Variants in RYR2 observed in about 807,000 individuals in gnomAD.
The protein encoded by RYR2 is ryanodine receptor 2, also known as cardiac muscle ryanodine receptor-calcium release channel.
Under a neutral mutation model 601.1 loss-of-function variants are expected in RYR2, and 227 were observed. The ratio of observed to expected loss-of-function variants is 0.38; its 90% CI spans 0.34 to 0.42. The LOEUF is 0.42. Ranked by LOEUF, RYR2 falls within the 10% of genes least tolerant of loss-of-function variation. RYR2 has a pLI of 1.00. For missense variants in RYR2, 4,646 were observed against 6,156.5 expected (o/e 0.75, Z 8.21); for synonymous variants, 2,223 against 2,175.1 (o/e 1.02, Z -0.61).
intron 4 of RYR2, among the ~76,000 whole-genome samples, chr1:237,363,676 A>T (rs946098275): frequency 1.3e-5 from 2 of 152,140 alleles, no homozygotes; most frequent in Non-Finnish European, 2.9e-5. Flanking sequence ...GTGTAAAGAA[A>T]AATGAAGTTA....
At chr1:237,189,412 T>C (rs1451549276) in intron 1 of RYR2, among the ~76,000 whole-genome samples, 1 of 152,204 alleles carries the variant, frequency 6.6e-6, no homozygotes, top group Non-Finnish European at 1.5e-5. Flanking sequence ...TATATGTCTT[T>C]TGGATATAGA....
Position 237,331,729 on chromosome 1 carries a change from T to A in RYR2, c.273+747T>A, listed in dbSNP as rs184069967. Among the ~76,000 whole-genome samples the A allele has an allele frequency of 5.8e-4, 88 of 151,862 alleles. 1 individual carries two copies. The highest frequency in any genetic ancestry group is 2.1e-3 in the African/African-American group (85 of 41,412). On this transcript the variant is annotated intron_variant, in intron 3 of 104. Coordinates refer to ENST00000366574, the MANE Select transcript of RYR2 (RefSeq NM_001035.3). ...CGGGGTTTCACCATGTTGGCCAGGA[T>A]GGTCTTGACCTCCTGACCTCGTGAT... is the stretch of plus-strand genomic sequence containing the variant.
chr1:237,711,385 T>C (rs902723118), intron 70 of RYR2, among the ~76,000 whole-genome samples: 1 of 152,182 alleles, frequency 6.6e-6, no homozygotes, highest in African/African-American at 2.4e-5. Context: ...TACGTCATAG[T>C]TCTATGTGTC....
chr1:237,631,893 G>C (rs548150828), intron 42 of RYR2, among the ~76,000 whole-genome samples: 1 of 151,380 alleles, frequency 6.6e-6, no homozygotes, highest in Admixed American at 6.6e-5. Flanking sequence ...CTCCCCTCCC[G>C]AAGTGCTGGG....
chr1:237,375,655 A>G (rs571638598), intron 7 of RYR2, among the ~76,000 whole-genome samples: 2 of 152,336 alleles, frequency 1.3e-5, no homozygotes, highest in East Asian at 1.9e-4. Context: ...GCATCGTCTT[A>G]TAAAAGAAAT....
rs1228800265 is a variant in RYR2 at position 237,832,811 on chromosome 1, C to A, written c.*164C>A. On this transcript the variant is annotated 3_prime_UTR_variant, in exon 105 of 105. Transcript: ENST00000366574. ...TTTCGGAAGAGCTGTTTCCTCCCCC[C>A]ACCTTTTGTATTTACTTTGAGACTA... The A allele has an allele frequency of 1.1e-5, 6 of 526,768 alleles. No individual in the cohort carries two copies. Among genetic ancestry groups the A allele is most frequent in the African/African-American group, 3.8e-5 (2 of 52,236 alleles). The allele number at this position is 526,768 out of a possible 1,614,324, so 32.6% of individuals were successfully genotyped here.
At chr1:237,061,333 C>T (rs944125202) in intron 1 of RYR2, among the ~76,000 whole-genome samples, 4 of 145,138 alleles carry the variant, frequency 2.8e-5, no homozygotes, top group Admixed American at 1.4e-4. Flanking sequence ...CTAATCATCT[C>T]TCTAGACAGA....
intron 24 of RYR2, among the ~76,000 whole-genome samples, chr1:237,520,469 G>A (rs1019209349): frequency 6.6e-6 from 1 of 152,084 alleles, no homozygotes; most frequent in African/African-American, 2.4e-5. Flanking sequence ...TTATTTTGAG[G>A]TATGCTCCTT....
At chr1:237,299,757 A>G (rs1693170712) in intron 2 of RYR2, among the ~76,000 whole-genome samples, 1 of 152,220 alleles carries the variant, frequency 6.6e-6, no homozygotes, top group Non-Finnish European at 1.5e-5. Context: ...ATGTTTTCAC[A>G]GCACATGTGG....
At chr1:237,479,234 A>T (rs2150355003) in intron 17 of RYR2, among the ~76,000 whole-genome samples, 1 of 152,294 alleles carries the variant, frequency 6.6e-6, no homozygotes, top group East Asian at 1.9e-4. Flanking sequence ...AAGTTGTTGT[A>T]TTTCACCCTA....
At chr1:237,269,116 C>T (rs1158723802) in intron 1 of RYR2, among the ~76,000 whole-genome samples, 1 of 141,560 alleles carries the variant, frequency 7.1e-6, no homozygotes, top group East Asian at 2.1e-4. Context: ...GATCTCAGCT[C>T]ACTGCAACCT....
chr1:237,562,572 T>TTA, intron 27 of RYR2, among the ~76,000 whole-genome samples: 1 of 152,162 alleles, frequency 6.6e-6, no homozygotes, highest in Non-Finnish European at 1.5e-5. Context: ...AATCTTGAGG[T>TTA]AGTTCATTAA....
chr1:237,622,249 C>T (rs775691678), intron 38 of RYR2, among the ~76,000 whole-genome samples: 3 of 151,972 alleles, frequency 2.0e-5, no homozygotes, highest in Non-Finnish European at 2.9e-5. Context: ...GTAAAGTTTC[C>T]CGCAGTTTAA....
chr1:237,652,517 A>G (rs1350072496), intron 51 of RYR2, among the ~76,000 whole-genome samples: 3 of 152,226 alleles, frequency 2.0e-5, no homozygotes, highest in Non-Finnish European at 4.4e-5. Flanking sequence ...AGTATGAGAT[A>G]TAAAGAGTCT....
chr1:237,106,209 G>A lies in RYR2; in HGVS notation c.48+63640G>A, dbSNP rs183411577. ...TCTGATTTTCATTCTGAAAAGACCC[G>A]TCTGGCCACTGTGTTGAGAATAGAT... is the stretch of plus-strand genomic sequence containing the variant. On this transcript the variant is annotated intron_variant, in intron 1 of 104. Transcript: ENST00000366574. This position sits in a 1 kb window ranked among gnomAD's most constrained non-coding sequence, Gnocchi z 4.4. Among the ~76,000 whole-genome samples the A allele has an allele frequency of 2.6e-3, 394 of 152,308 alleles. 1 individual carries two copies. Among genetic ancestry groups the A allele is most frequent in the Middle Eastern group, 0.017 (5 of 294 alleles).
chr1:237,763,132 T>G (rs1693561880), intron 84 of RYR2, among the ~76,000 whole-genome samples: 1 of 152,202 alleles, frequency 6.6e-6, no homozygotes, highest in Non-Finnish European at 1.5e-5. Context: ...GGATGTACAG[T>G]TATTAGTATG....
At chr1:237,064,364 G>T (rs1663263485) in intron 1 of RYR2, among the ~76,000 whole-genome samples, 1 of 151,962 alleles carries the variant, frequency 6.6e-6, no homozygotes, top group Admixed American at 6.6e-5. Flanking sequence ...AAATTCTGTT[G>T]TAACATTCTT....
intron 3 of RYR2, among the ~76,000 whole-genome samples, chr1:237,345,039 G>C (rs760197122): frequency 6.6e-6 from 1 of 152,006 alleles, no homozygotes; most frequent in Non-Finnish European, 1.5e-5. Flanking sequence ...TCCATCTCCC[G>C]ACCTCGTGAT....
In RYR2 at chr1:237,407,141, C is replaced by G. The variant is rs963389135; in HGVS notation, c.774-9908C>G. ...TTAGCAATCTGCATATATGGCCCCT[C>G]TATATCTTTTCATGACTTGATAGCT... On this transcript the variant is annotated intron_variant, in intron 10 of 104. Coordinates refer to ENST00000366574, the MANE Select transcript of RYR2 (RefSeq NM_001035.3). Among the ~76,000 whole-genome samples, 3 of 152,316 alleles carry G rather than the reference C, an allele frequency of 2.0e-5. No homozygotes were observed. The East Asian group carries it at 5.8e-4, about 29-fold the overall frequency.
Sources: gnomAD v4.1 joint callset for allele counts (sites outside exome capture counted in the v4.1 genomes callset) on GRCh38, gnomAD v4.1.1 for gene constraint, Gnocchi (gnomAD v3.1) non-coding constraint, MANE v1.5 for transcripts, NCBI Gene and HGNC (gene_info 2026-07-23, HGNC 2026-07-21) for gene names.